The following ERI3 variants were observed in gnomAD, a reference collection of about 807,000 sequenced individuals.
ERI3 encodes ERI1 exoribonuclease 3.
A neutral mutation model predicts 44.4 loss-of-function variants in ERI3; 18 were observed. The ratio of observed to expected loss-of-function variants is 0.41; its 90% confidence interval spans 0.28 to 0.60. The LOEUF (loss-of-function observed/expected upper bound fraction) is 0.60, where lower values mean the gene tolerates loss of function less well. ERI3 is among the 20% of genes least tolerant of loss of function. The pLI is 0.36. For synonymous variants in ERI3, 183 were observed against 164.8 expected (o/e 1.11, Z -0.84); for missense variants, 294 against 435.5 (o/e 0.68, Z 2.89).
At chr1:44,314,245 A>C (rs976294306) in intron 4 of ERI3, among the ~76,000 whole-genome samples, 6 of 152,068 alleles carry the variant, frequency 3.9e-5, no homozygotes, top group Admixed American at 2.6e-4. Flanking sequence ...TCTAAAAGGG[A>C]AGGTTATTTT....
Position 44,317,778 on chromosome 1 carries a change from T to C in ERI3, c.606+1850A>G, listed in dbSNP as rs1429443144. 2.0e-5 allele frequency among the ~76,000 whole-genome samples: 3 copies of C among 152,036 alleles called. No individual in the cohort carries two copies. In the East Asian group the frequency reaches 5.8e-4, roughly 29 times the overall value. ...GAGTTGGCGGGGAGAGTGGGAACTC[T>C]GTGCAGGCAGGAGGACCATCATGTG... On this transcript the variant is annotated intron_variant, in intron 4 of 8. Transcript: ENST00000372257.
At chr1:44,303,394 T>C (rs1415514157) in intron 6 of ERI3, among the ~76,000 whole-genome samples, 3 of 152,248 alleles carry the variant, frequency 2.0e-5, no homozygotes, top group Non-Finnish European at 4.4e-5. Context: ...TCTGTTGTTC[T>C]TCCTGAGCAG....
chr1:44,284,895 C>T lies in ERI3; in HGVS notation c.771G>A (p.Gln257=), dbSNP rs752196058. Residue 257 remains glutamine (Q), a synonymous_variant, in exon 7 of 9, where the codon CAG becomes CAA. Coordinates refer to ENST00000372257, the MANE Select transcript of ERI3 (RefSeq NM_024066.3). The part of the protein sequence containing the change: ...DWDLKVMLPG[Q]CQYLGLPVAD... ...CCACTGGCAAGCCCAAGTACTGGCACTGGCCTGGGAGCCTACAAAAAAAAG... is the reference window on the plus strand; with the variant it reads ...CCACTGGCAAGCCCAAGTACTGGCATTGGCCTGGGAGCCTACAAAAAAAAG... 9 of 1,613,920 alleles carry T rather than the reference C, an allele frequency of 5.6e-6. No homozygotes were observed. The highest frequency in any genetic ancestry group is 5.0e-5 in the Admixed American group (3 of 60,004).
chr1:44,239,164 T>C (rs1644377823), intron 8 of ERI3, among the ~76,000 whole-genome samples: 1 of 152,008 alleles, frequency 6.6e-6, no homozygotes. Context: ...TATTCTTAGC[T>C]ATTCTGGGAG....
chr1:44,322,315 G>T (rs1324271141), intron 3 of ERI3, among the ~76,000 whole-genome samples: 1 of 151,126 alleles, frequency 6.6e-6, no homozygotes, highest in Non-Finnish European at 1.5e-5. Context: ...GGGAAATGGG[G>T]CCAACTACGT....
chr1:44,240,047 C>G (rs1184464840), intron 8 of ERI3, among the ~76,000 whole-genome samples: 1 of 152,256 alleles, frequency 6.6e-6, no homozygotes, highest in African/African-American at 2.4e-5. Flanking sequence ...TGGGAGGGTA[C>G]AGCAGGGACC....
intron 8 of ERI3, among the ~76,000 whole-genome samples, chr1:44,240,138 A>G (rs1644402016): frequency 6.6e-6 from 1 of 152,062 alleles, no homozygotes; most frequent in African/African-American, 2.4e-5. Flanking sequence ...CCCCTCCTTG[A>G]GCTACATGGG....
intron 3 of ERI3, among the ~76,000 whole-genome samples, chr1:44,322,559 G>A (rs762090763): frequency 1.3e-5 from 2 of 152,154 alleles, no homozygotes; most frequent in Non-Finnish European, 2.9e-5. Context: ...GTCTCAAAAC[G>A]TGACTTTGCA....
chr1:44,343,425 A>T (rs938361019), intron 2 of ERI3, among the ~76,000 whole-genome samples: 1 of 152,188 alleles, frequency 6.6e-6, no homozygotes, highest in Non-Finnish European at 1.5e-5. Context: ...GATAAATCAA[A>T]ATCACACGAC....
At chr1:44,240,704 A>C (rs1241938192) in intron 8 of ERI3, among the ~76,000 whole-genome samples, 1 of 152,174 alleles carries the variant, frequency 6.6e-6, no homozygotes, top group East Asian at 1.9e-4. Context: ...GTAGAATGAC[A>C]CTGGTGTGAT....
chr1:44,313,301 C>T (rs1030561925), intron 4 of ERI3, 73 bp from the exon 5 acceptor site: 1 of 1,427,692 alleles, frequency 7.0e-7, no homozygotes, highest in Non-Finnish European at 9.8e-7. Flanking sequence ...AGGACCCCTT[C>T]CTTTCTGTTT....
chr1:44,307,254 C>G (rs955936655), intron 6 of ERI3, among the ~76,000 whole-genome samples: 27 of 152,140 alleles, frequency 1.8e-4, no homozygotes, highest in African/African-American at 6.5e-4. Flanking sequence ...TTGACACCCA[C>G]CTGGGTACAT....
At chr1:44,222,078 C>T (rs897353775) in intron 8 of ERI3, among the ~76,000 whole-genome samples, 8 of 152,246 alleles carry the variant, frequency 5.3e-5, no homozygotes, top group African/African-American at 7.2e-5. Flanking sequence ...CATTACTGTG[C>T]GACCATTCAT....
At chr1:44,301,609 AC>A (rs1319356089) in intron 6 of ERI3, among the ~76,000 whole-genome samples, 2 of 152,202 alleles carry the variant, frequency 1.3e-5, no homozygotes, top group Admixed American at 1.3e-4. Context: ...TCCGTCTGAC[AC>A]AAAAACATGC....
intron 7 of ERI3, among the ~76,000 whole-genome samples, chr1:44,260,503 A>C (rs1644871986): frequency 6.6e-6 from 1 of 152,234 alleles, no homozygotes; most frequent in South Asian, 2.1e-4. Flanking sequence ...ATGAAGGTTG[A>C]AAGGACGTGA....
At chr1:44,340,590 G>C (rs1053101970) in intron 2 of ERI3, among the ~76,000 whole-genome samples, 1 of 152,196 alleles carries the variant, frequency 6.6e-6, no homozygotes, top group African/African-American at 2.4e-5. Context: ...AAGTATGGCT[G>C]TCTTCCCATC....
intron 6 of ERI3, among the ~76,000 whole-genome samples, chr1:44,307,128 A>C (rs920280749): frequency 1.3e-5 from 2 of 152,254 alleles, no homozygotes; most frequent in Non-Finnish European, 1.5e-5. Context: ...AGAGGGGTGC[A>C]GTCAGTTTGT....
In ERI3 at chr1:44,221,489, T is replaced by C. The variant is rs1381762976; in HGVS notation, c.*69A>G. ...TGCCACTCTCCCTCTTCCCCTCTGG[T>C]GAGGGAGAGGAGGATTCTGGGCTGG... On this transcript the variant is annotated 3_prime_UTR_variant, in exon 9 of 9. Coordinates refer to ENST00000372257, the MANE Select transcript of ERI3 (RefSeq NM_024066.3). The surrounding 1 kb of genome is among the most constrained non-coding windows in gnomAD (Gnocchi z 5.9). 1.5e-5 allele frequency: 19 copies of C among 1,234,726 alleles called. No homozygotes were observed. The highest frequency in any genetic ancestry group is 1.9e-5 in the Non-Finnish European group (16 of 837,708). The allele number at this position is 1,234,726 out of a possible 1,614,324, so 76.5% of individuals were successfully genotyped here. A position where few individuals can be genotyped will look rare whatever the true frequency, so the allele number is the denominator to read the frequency against.
chr1:44,344,714 T>C (rs1242711313), intron 2 of ERI3, among the ~76,000 whole-genome samples: 1 of 152,260 alleles, frequency 6.6e-6, no homozygotes, highest in Non-Finnish European at 1.5e-5. Context: ...AGAAAGTTTA[T>C]GATTCTGCCT....
Sources: allele counts gnomAD v4.1 joint callset (sites outside exome capture counted in the v4.1 genomes callset), GRCh38; gene constraint gnomAD v4.1.1; non-coding constraint Gnocchi (gnomAD v3.1); transcripts MANE v1.5; gene names NCBI Gene and HGNC (gene_info 2026-07-23, HGNC 2026-07-21).